TSC2: variants seen among roughly 807,000 people sequenced by gnomAD.
TSC2 encodes the protein tuberin.
Under a neutral mutation model 202.2 loss-of-function variants are expected in TSC2, and 29 were observed. That is an observed-to-expected ratio of 0.14 (90% CI 0.11 to 0.20). TSC2 has a LOEUF of 0.20. Ranked by LOEUF, TSC2 falls within the 10% of genes least tolerant of loss-of-function variation. TSC2 has a pLI of 1.00. For synonymous variants in TSC2, 1,349 were observed against 1,044.0 expected (o/e 1.29, Z -5.63); for missense variants, 2,429 against 2,420.0 (o/e 1.00, Z -0.08).
At chr16:2,080,086 C>G in intron 29 of TSC2, 79 bp from the exon 30 acceptor site, 1 of 1,584,620 alleles carries the variant, frequency 6.3e-7, no homozygotes, top group Non-Finnish European at 8.6e-7. Context: ...TTGCCAGGCT[C>G]GGGGGGAGCA....
rs2151389029 is a variant in TSC2 at position 2,076,159 on chromosome 16, T to C, written c.2731T>C (p.Phe911Leu). The change falls in exon 24 of 42, where the codon TTC becomes CTC. Residue 911 changes from phenylalanine to leucine, a missense_variant. By Grantham distance (22) the Phe-to-Leu change is conservative. Coordinates refer to ENST00000219476, the MANE Select transcript of TSC2 (RefSeq NM_000548.5). ...GCCCTTCCGGAAGGATTTTGTCCCT[T>C]TCATCACTAAGGTGGGCTCAGGGCC... ...RLPFRKDFVP[F>L]ITKGLRSNVL... 1 of 1,613,662 alleles carries C rather than the reference T, an allele frequency of 6.2e-7. No individual in the cohort carries two copies. Among genetic ancestry groups the C allele is most frequent in the Non-Finnish European group, 8.5e-7 (1 of 1,179,984 alleles).
chr16:2,080,270 A>C lies in TSC2; in HGVS notation c.3503A>C (p.Lys1168Thr). 1.2e-6 allele frequency: 2 copies of C among 1,612,960 alleles called. No individual in the cohort carries two copies. Among genetic ancestry groups the C allele is most frequent in the Non-Finnish European group, 8.5e-7 (1 of 1,180,016 alleles). ...PRTAPAAKPE[K>T]ASAGTRVPVQ... Reference sequence around the variant, plus strand: ...ACTGCACCAGCCGCGAAACCTGAGAAGGCCTCAGCTGGCACCCGGGTTCCT... The same window carrying C: ...ACTGCACCAGCCGCGAAACCTGAGACGGCCTCAGCTGGCACCCGGGTTCCT... The change falls in exon 30 of 42, where the codon AAG becomes ACG. Residue 1168 changes from lysine (K) to threonine (T), a missense_variant. By Grantham distance (78) the Lys-to-Thr change is moderately conservative. Coordinates refer to ENST00000219476, the MANE Select transcript of TSC2 (RefSeq NM_000548.5).
At chr16:2,053,924 C>T in intron 4 of TSC2, 2 of 443,832 alleles carry the variant, frequency 4.5e-6, no homozygotes. Flanking sequence ...GAAGGGCCGT[C>T]CACTCTCACA....
intron 16 of TSC2, among the ~76,000 whole-genome samples, chr16:2,070,123 C>T (rs2088040212): frequency 6.6e-6 from 1 of 152,100 alleles, no homozygotes; most frequent in Admixed American, 6.5e-5. Context: ...TGCCCTTGAC[C>T]TTTTGGGAGG....
intron 6 of TSC2, 77 bp from the exon 7 acceptor site, chr16:2,056,117 TAG>T: frequency 6.3e-7 from 1 of 1,586,798 alleles, no homozygotes; most frequent in Non-Finnish European, 8.6e-7. Context: ...ATTGACGTCA[TAG>T]AGTGACTAGA....
Position 2,079,652 on chromosome 16 carries a change from G to A in TSC2, c.3380G>A (p.Arg1127Gln), listed in dbSNP as rs746197874. ...CAGGTGTCCCGTGGGGCCCGGGATC[G>A]GGTCCGTTCCATGTCGGGTGAGCCT... ...GQQVSRGARD[R>Q]VRSMSGGHGL... Residue 1127 changes from arginine to glutamine, a missense_variant, in exon 29 of 42, where the codon CGG becomes CAG. Transcript: ENST00000219476. This position sits in a 1 kb window ranked among gnomAD's most constrained non-coding sequence, Gnocchi z 4.6. The A allele has an allele frequency of 7.5e-6, 12 of 1,600,108 alleles. No homozygotes were observed. The highest frequency in any genetic ancestry group is 6.8e-5 in the East Asian group (3 of 44,326).
At chr16:2,082,053 G>C in intron 31 of TSC2, 1 of 621,020 alleles carries the variant, frequency 1.6e-6, no homozygotes, top group Non-Finnish European at 2.9e-6. Flanking sequence ...CATCCTCCGT[G>C]GGGAGTCCAG....
chr16:2,063,867 T>G (rs2086944257), intron 14 of TSC2: 1 of 347,886 alleles, frequency 2.9e-6, no homozygotes, highest in Non-Finnish European at 5.6e-6. Context: ...CACACGCATA[T>G]TCACGCATGC....
intron 16 of TSC2, among the ~76,000 whole-genome samples, chr16:2,068,000 T>C (rs1016340842): frequency 5.9e-5 from 9 of 152,156 alleles, no homozygotes; most frequent in African/African-American, 2.2e-4. Flanking sequence ...AACTGAGATA[T>C]TTCCTAGTTG....
chr16:2,074,311 C>A lies in TSC2; in HGVS notation c.2467C>A (p.Leu823Met), dbSNP rs554509064. 1 of 1,613,110 alleles carries A rather than the reference C, an allele frequency of 6.2e-7. No individual in the cohort carries two copies. Among genetic ancestry groups the A allele is most frequent in the South Asian group, 1.1e-5 (1 of 91,082 alleles). Residue 823 changes from leucine (L) to methionine (M), a missense_variant, in exon 22 of 42, where the codon CTG (leucine) becomes ATG (methionine). By Grantham distance (15) the Leu-to-Met change is conservative. Transcript: ENST00000219476. ...VEMPDIIIKA[L>M]PVLVVKLTHI... is the part of the protein sequence containing the mutation. ...GATGCCTGACATCATCATCAAGGCGCTGCCTGTTCTGGTGGTGAAGCTCAC... is the reference window on the plus strand; with the variant it reads ...GATGCCTGACATCATCATCAAGGCGATGCCTGTTCTGGTGGTGAAGCTCAC...
At chr16:2,062,644 C>T (rs1381141543) in intron 13 of TSC2, 44 bp downstream of exon 13, 1 of 1,551,740 alleles carries the variant, frequency 6.4e-7, no homozygotes. Context: ...GGAGCCTGGC[C>T]CTGTCTCTGT....
At chr16:2,059,178 C>T (rs1212844336) in intron 10 of TSC2, among the ~76,000 whole-genome samples, 1 of 151,456 alleles carries the variant, frequency 6.6e-6, no homozygotes, top group Non-Finnish European at 1.5e-5. Context: ...GGTACCATGC[C>T]TGGCTAATTT....
In TSC2 at chr16:2,072,959, T is replaced by C. The variant is rs139963953; in HGVS notation, c.2331T>C (p.His777=). 3.3e-5 allele frequency: 54 copies of C among 1,613,422 alleles called. No homozygotes were observed. The Middle Eastern group carries it at 1.5e-3, about 44-fold the overall frequency. Residue 777 remains histidine, a synonymous_variant, in exon 21 of 42, where the codon CAT becomes CAC. Coordinates refer to ENST00000219476, the MANE Select transcript of TSC2 (RefSeq NM_000548.5). The part of the protein sequence containing the change: ...VPVLTALISY[H]NYLDKTKQRE... Reference sequence around the variant, plus strand: ...TGCTGACAGCATTAATCTCTTACCATAACTACCTGGACAAAACCAAACAGG... The same window carrying C: ...TGCTGACAGCATTAATCTCTTACCACAACTACCTGGACAAAACCAAACAGG...
intron 13 of TSC2, 171 bp from the exon 14 acceptor site, chr16:2,062,801 C>G (rs2086800143): frequency 3.2e-6 from 3 of 923,814 alleles, no homozygotes; most frequent in Non-Finnish European, 5.0e-6. Flanking sequence ...ACTGGGCTCC[C>G]TCTTTTCGGG....
At chr16:2,071,476 T>C in intron 17 of TSC2, 34 bp from the exon 18 acceptor site, 1 of 1,611,944 alleles carries the variant, frequency 6.2e-7, no homozygotes, top group Non-Finnish European at 8.5e-7. Context: ...CTGCACGAGC[T>C]TGGCTCTGGC....
chr16:2,072,583 G>C lies in TSC2; in HGVS notation c.2220+220G>C, dbSNP rs1296562775. On this transcript the variant is annotated intron_variant, in intron 20 of 41. Coordinates refer to ENST00000219476, the MANE Select transcript of TSC2 (RefSeq NM_000548.5). ...ACTGACGTCAGAGGTCCCCAGCCAA[G>C]GGCATGTCACTGAATGTGGATGTCT... is the stretch of plus-strand genomic sequence containing the variant. The C allele has an allele frequency of 3.6e-6, 3 of 822,496 alleles. No homozygotes were observed. The African/African-American group carries it at 5.2e-5, about 14-fold the overall frequency. 50.9% of individuals were successfully genotyped at this position (822,496 alleles called of 1,614,324 possible).
At chr16:2,049,857 A>G (rs1256977793) in intron 2 of TSC2, among the ~76,000 whole-genome samples, 6 of 151,972 alleles carry the variant, frequency 3.9e-5, no homozygotes, top group Non-Finnish European at 7.4e-5. Context: ...ATTGTATTTC[A>G]TGTTATGTTT....
At chr16:2,061,172 C>T in intron 11 of TSC2, 1 of 372,796 alleles carries the variant, frequency 2.7e-6, no homozygotes, top group South Asian at 2.2e-5. Context: ...TGGAGGACCG[C>T]ATTAGTCGAG....
At chr16:2,085,167 C>G in intron 35 of TSC2, 63 bp from the exon 36 acceptor site, 1 of 1,609,236 alleles carries the variant, frequency 6.2e-7, no homozygotes, top group Non-Finnish European at 8.5e-7. Context: ...CGTGACCGGC[C>G]TGGGTGGGGC....
Sources: allele counts gnomAD v4.1 joint callset (sites outside exome capture counted in the v4.1 genomes callset), GRCh38; gene constraint gnomAD v4.1.1; non-coding constraint Gnocchi (gnomAD v3.1); transcripts MANE v1.5; gene names NCBI Gene and HGNC (gene_info 2026-07-23, HGNC 2026-07-21).